Variants in PI4KA observed in about 807,000 individuals in gnomAD.
The protein encoded by PI4KA is PI4-kinase alpha.
In PI4KA, 122 loss-of-function variants were observed where a neutral mutation model predicts 271.4. The observed-to-expected ratio is 0.45, with a 90% CI of 0.39 to 0.52. The LOEUF (loss-of-function observed/expected upper bound fraction) is 0.52. Ranked by LOEUF, PI4KA falls within the 20% of genes least tolerant of loss-of-function variation. The pLI, the probability that PI4KA is intolerant of heterozygous loss-of-function variation, is 0.00. For missense variants in PI4KA, 1,969 were observed against 2,769.1 expected (o/e 0.71, Z 6.48); for synonymous variants, 1,041 against 1,078.8 (o/e 0.96, Z 0.69).
At chr22:20,758,996 T>G (rs1047648206) in intron 23 of PI4KA, among the ~76,000 whole-genome samples, 1 of 152,196 alleles carries the variant, frequency 6.6e-6, no homozygotes, top group Admixed American at 6.5e-5. Flanking sequence ...CACAAAGGAC[T>G]TACTAGAAGA....
At position 20,779,321 on chromosome 22, in the gene PI4KA, C is replaced by T. The variant is rs147404838; in HGVS notation, c.2329-13628G>A. 19 of 1,614,200 alleles carry T rather than the reference C, an allele frequency of 1.2e-5. No individual in the cohort carries two copies. In the Middle Eastern group the frequency reaches 4.9e-4, roughly 42 times the overall value. ...GCTTTAGCTCCGCCAAAATGAAACA[C>T]TCATTAAACGCACTTCTCATTTTCC... On this transcript the variant is annotated intron_variant, in intron 19 of 54. Coordinates refer to ENST00000255882, the MANE Select transcript of PI4KA (RefSeq NM_058004.4).
intron 1 of PI4KA, 71 bp downstream of exon 1, chr22:20,858,499 C>G: frequency 8.8e-7 from 1 of 1,136,850 alleles, no homozygotes; most frequent in Non-Finnish European, 1.1e-6. Flanking sequence ...CACAGACCCT[C>G]GTCCCGCCTC....
In PI4KA at chr22:20,786,085, G is replaced by A. The variant is rs1351790640; in HGVS notation, c.2328+7108C>T. 3.1e-6 allele frequency: 5 copies of A among 1,614,126 alleles called. No homozygotes were observed. The Admixed American group carries it at 8.3e-5, about 27-fold the overall frequency. Reference sequence around the variant, plus strand: ...AGTCCCTGAAGTTGATGGGGATCAGGATGCTGTTTGACAAAAATGGCAACA... The same window carrying A: ...AGTCCCTGAAGTTGATGGGGATCAGAATGCTGTTTGACAAAAATGGCAACA... On this transcript the variant is annotated intron_variant, in intron 19 of 54. Transcript: ENST00000255882.
intron 42 of PI4KA, chr22:20,725,288 G>C (rs146766396): frequency 4.9e-6 from 1 of 202,822 alleles, no homozygotes; most frequent in Non-Finnish European, 1.1e-5. Context: ...AGGCTGGCGC[G>C]AGGGCAGAGG....
intron 45 of PI4KA, among the ~76,000 whole-genome samples, chr22:20,716,510 T>C (rs1243291165): frequency 3.3e-5 from 5 of 152,256 alleles, no homozygotes; most frequent in East Asian, 3.9e-4. Flanking sequence ...GGCCTTGCTG[T>C]GGGGTACAGG....
chr22:20,744,759 C>T, intron 29 of PI4KA, 39 bp from the exon 30 acceptor site: 1 of 1,508,868 alleles, frequency 6.6e-7, no homozygotes, highest in Non-Finnish European at 9.2e-7. Context: ...TATGGCAGCA[C>T]TATCCTTTCC....
chr22:20,799,600 AATGCC>A, intron 15 of PI4KA, 66 bp downstream of exon 15: 1 of 1,039,622 alleles, frequency 9.6e-7, no homozygotes, highest in Non-Finnish European at 1.5e-6. Flanking sequence ...GCATACGCAC[AATGCC>A]AGGTGCCCCA....
chr22:20,787,073 A>G (rs2147523292), intron 19 of PI4KA: 1 of 1,613,734 alleles, frequency 6.2e-7, no homozygotes. Context: ...CTAGAGGTGG[A>G]GGTCTAGGTG....
At chr22:20,837,947 C>T (rs887332119) in intron 2 of PI4KA, among the ~76,000 whole-genome samples, 1 of 151,858 alleles carries the variant, frequency 6.6e-6, no homozygotes, top group Non-Finnish European at 1.5e-5. Context: ...GGAGAAACCC[C>T]GTCTCTACTA....
chr22:20,758,208 A>T (rs570612059), intron 23 of PI4KA, among the ~76,000 whole-genome samples: 1 of 151,812 alleles, frequency 6.6e-6, no homozygotes, highest in Admixed American at 6.6e-5. Context: ...TACTAAAAAT[A>T]CAAAAAATTA....
chr22:20,834,766 A>C, intron 2 of PI4KA, 111 bp from the exon 3 acceptor site: 1 of 670,308 alleles, frequency 1.5e-6, no homozygotes. Context: ...TAATCATCTC[A>C]GAGATTCTCC....
At chr22:20,794,307 A>G (rs1174403323) in intron 18 of PI4KA, among the ~76,000 whole-genome samples, 19 of 152,120 alleles carry the variant, frequency 1.2e-4, no homozygotes, top group Non-Finnish European at 2.9e-5. Flanking sequence ...TCCAGGGGAG[A>G]GCAGGCTCCT....
chr22:20,815,468 C>A (rs1393697942), intron 7 of PI4KA, among the ~76,000 whole-genome samples: 1 of 150,410 alleles, frequency 6.6e-6, no homozygotes, highest in Non-Finnish European at 1.5e-5. Context: ...TTTCATAAGA[C>A]AGTATCAATT....
At chr22:20,786,133 GATC>G in intron 19 of PI4KA, 1 of 1,614,068 alleles carries the variant, frequency 6.2e-7, no homozygotes, top group Non-Finnish European at 8.5e-7. Context: ...CAGACCAAAG[GATC>G]GCCATCGACC....
chr22:20,742,430 G>C, intron 31 of PI4KA, 75 bp from the exon 32 acceptor site: 1 of 1,581,330 alleles, frequency 6.3e-7, no homozygotes, highest in African/African-American at 1.3e-5. Context: ...GGGCCAACAA[G>C]AGTTGACCAG....
At chr22:20,759,783 T>C (rs1273687270) in intron 23 of PI4KA, among the ~76,000 whole-genome samples, 1 of 152,186 alleles carries the variant, frequency 6.6e-6, no homozygotes, top group Non-Finnish European at 1.5e-5. Flanking sequence ...GCCAGGACGG[T>C]CTTGATCTCC....
Position 20,753,021 on chromosome 22 carries a change from T to C in PI4KA, c.2869A>G (p.Thr957Ala), listed in dbSNP as rs1341676496. 6.2e-7 allele frequency: 1 copy of C among 1,614,212 alleles called. No homozygotes were observed. Among genetic ancestry groups the C allele is most frequent in the Non-Finnish European group, 8.5e-7 (1 of 1,180,050 alleles). Residue 957 changes from threonine to alanine, a missense_variant, in exon 25 of 55, where the codon ACC (threonine) becomes GCC (alanine). Transcript: ENST00000255882. ...FLNMMADKAK[T>A]KENEEELERH... ...TCCAGCTCCTCCTCGTTCTCCTTGGTCTTGGCCTAGAGATGCAAAAGAAAC... is the reference window on the plus strand; with the variant it reads ...TCCAGCTCCTCCTCGTTCTCCTTGGCCTTGGCCTAGAGATGCAAAAGAAAC...
intron 22 of PI4KA, 151 bp downstream of exon 22, chr22:20,764,666 G>A (rs1932338328): frequency 5.0e-5 from 35 of 702,776 alleles, no homozygotes; most frequent in Middle Eastern, 3.4e-4. Flanking sequence ...AGGGGCATAC[G>A]AGAAAAGTAG....
intron 19 of PI4KA, among the ~76,000 whole-genome samples, chr22:20,774,642 T>C (rs967376356): frequency 6.6e-6 from 1 of 151,024 alleles, no homozygotes; most frequent in Non-Finnish European, 1.5e-5. Flanking sequence ...GCGCCTGTAA[T>C]CCCAGCTACT....
Sources: gnomAD v4.1 joint callset for allele counts (sites outside exome capture counted in the v4.1 genomes callset) on GRCh38, gnomAD v4.1.1 for gene constraint, MANE v1.5 for transcripts, NCBI Gene and HGNC (gene_info 2026-07-23, HGNC 2026-07-21) for gene names.